CNTN4: variants seen among roughly 807,000 people sequenced by gnomAD.
CNTN4 encodes contactin-4.
Under a neutral mutation model 122.5 loss-of-function variants are expected in CNTN4, and 77 were observed. The observed-to-expected ratio is 0.63, with a 90% CI of 0.52 to 0.76. The LOEUF (loss-of-function observed/expected upper bound fraction) is 0.76. Ranked by LOEUF, CNTN4 falls within the 30% of genes least tolerant of loss-of-function variation. The pLI is 0.00. For missense variants in CNTN4, 1,256 were observed against 1,259.1 expected, an observed-to-expected ratio of 1.00 and a Z score of 0.04; for synonymous variants, 512 against 447.0, an observed-to-expected ratio of 1.15 and a Z score of -1.83.
chr3:2,101,686 C>G (rs1476371838), intron 2 of CNTN4, among the ~76,000 whole-genome samples: 2 of 152,022 alleles, frequency 1.3e-5, no homozygotes, highest in Non-Finnish European at 1.5e-5. Context: ...CAGAAGAAAT[C>G]TGACAACATA....
At chr3:3,028,236 G>A (rs9837333) in intron 15 of CNTN4, among the ~76,000 whole-genome samples, 27,473 of 152,094 alleles carry the variant, frequency 0.18, 2,527 homozygotes, top group Middle Eastern at 0.27. Flanking sequence ...CGAGTATTCT[G>A]TCAGGAACAC....
chr3:2,872,569 G>A (rs1449704314), intron 8 of CNTN4, among the ~76,000 whole-genome samples: 2 of 152,040 alleles, frequency 1.3e-5, no homozygotes, highest in African/African-American at 2.4e-5. Flanking sequence ...GCATTGCACA[G>A]TAATTGTTAA....
intron 2 of CNTN4, chr3:2,238,735 G>GTTTTTTTTTTTTTTTTTTTTTTTTT (rs66733341): frequency 1.3e-5 from 1 of 78,868 alleles, no homozygotes; most frequent in African/African-American, 5.8e-5. Flanking sequence ...TTGGCTCTGT[G>GTTTTTTTTTTTTTTTTTTTTTTTTT]TTTTTTTTTT....
intron 2 of CNTN4, among the ~76,000 whole-genome samples, chr3:2,155,744 C>CTTG (rs2035691202): frequency 6.6e-6 from 1 of 152,126 alleles, no homozygotes; most frequent in African/African-American, 2.4e-5. Context: ...TCTTCGCTTC[C>CTTG]TCCAACACAG....
In CNTN4 at chr3:2,152,810, C is replaced by T. The variant is rs553198587; in HGVS notation, c.-145+52171C>T. Among the ~76,000 whole-genome samples, 26 of 152,146 alleles carry T rather than the reference C, an allele frequency of 1.7e-4. No homozygotes were observed. In the South Asian group the frequency reaches 4.2e-3, roughly 24 times the overall value. The stretch of plus-strand genomic sequence containing the variant: ...GTCGATGTGAGACAAAAGCAGGGTA[C>T]GGAAATGTACTCCCAGATCGGGCTC... On this transcript the variant is annotated intron_variant, in intron 2 of 24. Coordinates refer to ENST00000418658, the MANE Select transcript of CNTN4 (RefSeq NM_175607.3).
At chr3:2,155,704 C>G (rs1472310105) in intron 2 of CNTN4, among the ~76,000 whole-genome samples, 1 of 152,162 alleles carries the variant, frequency 6.6e-6, no homozygotes, top group Non-Finnish European at 1.5e-5. Flanking sequence ...TCTCACTCTC[C>G]CCGTGCTCTC....
At chr3:2,703,457 A>T (rs1243045125) in intron 4 of CNTN4, among the ~76,000 whole-genome samples, 2 of 152,154 alleles carry the variant, frequency 1.3e-5, no homozygotes, top group African/African-American at 4.8e-5. Context: ...TATAATTATT[A>T]TTCTTTTTTA....
At chr3:2,564,120 G>A (rs1421822471) in intron 3 of CNTN4, among the ~76,000 whole-genome samples, 1 of 152,102 alleles carries the variant, frequency 6.6e-6, no homozygotes, top group Admixed American at 6.6e-5. Flanking sequence ...TCAAGAAATA[G>A]TAGTATAAGC....
chr3:2,503,661 T>C (rs1345873403), intron 3 of CNTN4, among the ~76,000 whole-genome samples: 2 of 152,150 alleles, frequency 1.3e-5, no homozygotes, highest in African/African-American at 4.8e-5. Flanking sequence ...CTCTTAACTT[T>C]GACAGAGCTA....
intron 3 of CNTN4, among the ~76,000 whole-genome samples, chr3:2,569,092 A>G (rs951134349): frequency 6.6e-6 from 1 of 152,224 alleles, no homozygotes; most frequent in Non-Finnish European, 1.5e-5. Context: ...GAGTATCTGA[A>G]CATATCCAAT....
Position 2,819,562 on chromosome 3 carries a change from C to T in CNTN4, c.435C>T (p.Gly145=). 1.9e-6 allele frequency: 3 copies of T among 1,612,888 alleles called. No homozygotes were observed. The highest frequency in any genetic ancestry group is 2.5e-6 in the Non-Finnish European group (3 of 1,178,870). Residue 145 remains glycine (G), a synonymous_variant, in exon 7 of 25, where the codon GGC becomes GGT. Transcript: ENST00000418658. ...GTCAAGGAATGGTGCTACTGTGTGG[C>T]CCGCCACCCCATTCTGGAGGTACAT... ...RRGQGMVLLC[G]PPPHSGELSY... is the part of the protein sequence containing the mutation.
chr3:2,400,510 C>T lies in CNTN4; in HGVS notation c.-89+61277C>T, dbSNP rs544902976. The stretch of plus-strand genomic sequence containing the variant: ...GATATTGGAATCACATGCTTACCAT[C>T]CACCCTTCCTCCTGCCACTTGGTGG... On this transcript the variant is annotated intron_variant, in intron 3 of 24. Transcript: ENST00000418658. Among the ~76,000 whole-genome samples the T allele has an allele frequency of 7.6e-5, 11 of 145,436 alleles. No individual in the cohort carries two copies. In the East Asian group the frequency reaches 2.2e-3, roughly 29 times the overall value.
chr3:2,119,517 T>C (rs1402631686), intron 2 of CNTN4, among the ~76,000 whole-genome samples: 2 of 152,216 alleles, frequency 1.3e-5, no homozygotes, highest in Admixed American at 1.3e-4. Flanking sequence ...TCCAACACTA[T>C]TGATGTTTCC....
In CNTN4 at chr3:2,448,257, A is replaced by G. The variant is rs374676767; in HGVS notation, c.-89+109024A>G. 2.0e-5 allele frequency among the ~76,000 whole-genome samples: 3 copies of G among 152,222 alleles called. No homozygotes were observed. The East Asian group carries it at 5.8e-4, about 29-fold the overall frequency. ...GCCTGGGGCAGAGAATGTAGTGTCCAGTTGGAAGCATCATGAATCAGAATC... is the reference window on the plus strand; with the variant it reads ...GCCTGGGGCAGAGAATGTAGTGTCCGGTTGGAAGCATCATGAATCAGAATC... On this transcript the variant is annotated intron_variant, in intron 3 of 24. Coordinates refer to ENST00000418658, the MANE Select transcript of CNTN4 (RefSeq NM_175607.3).
At chr3:2,203,789 A>G (rs1425818665) in intron 2 of CNTN4, among the ~76,000 whole-genome samples, 1 of 152,138 alleles carries the variant, frequency 6.6e-6, no homozygotes, top group African/African-American at 2.4e-5. Context: ...GTGTGGCCCA[A>G]CTAATGCTGT....
At chr3:2,433,328 T>A (rs2048145454) in intron 3 of CNTN4, among the ~76,000 whole-genome samples, 1 of 152,254 alleles carries the variant, frequency 6.6e-6, no homozygotes, top group Admixed American at 6.5e-5. Flanking sequence ...ATAATTGTTC[T>A]AACAGATATC....
intron 3 of CNTN4, among the ~76,000 whole-genome samples, chr3:2,395,753 A>G (rs1575543466): frequency 6.6e-6 from 1 of 152,286 alleles, no homozygotes; most frequent in Non-Finnish European, 1.5e-5. Flanking sequence ...CTCCAACTGT[A>G]TCCATGAATG....
chr3:3,057,950 C>G lies in CNTN4; in HGVS notation c.*1730C>G, dbSNP rs568658238. 1.3e-5 allele frequency: 2 copies of G among 152,306 alleles called. No individual in the cohort carries two copies. The highest frequency in any genetic ancestry group is 2.9e-5 in the Non-Finnish European group (2 of 68,020). The allele number at this position is 152,306 out of a possible 1,614,324, so 9.4% of individuals were successfully genotyped here. ...AAGGTATTGTTAATAAATATTCTGTCATTTGTAAAGATACTTGTCTTTCGG... is the reference window on the plus strand; with the variant it reads ...AAGGTATTGTTAATAAATATTCTGTGATTTGTAAAGATACTTGTCTTTCGG... On this transcript the variant is annotated 3_prime_UTR_variant, in exon 25 of 25. Transcript: ENST00000418658.
At chr3:3,002,189 T>A (rs1443139080) in intron 14 of CNTN4, among the ~76,000 whole-genome samples, 2 of 152,204 alleles carry the variant, frequency 1.3e-5, no homozygotes, top group Non-Finnish European at 2.9e-5. Flanking sequence ...TTATGAATAT[T>A]TTTAATTGAT....
Sources: gnomAD v4.1 joint callset for allele counts (sites outside exome capture counted in the v4.1 genomes callset) on GRCh38, gnomAD v4.1.1 for gene constraint, MANE v1.5 for transcripts, NCBI Gene and HGNC (gene_info 2026-07-23, HGNC 2026-07-21) for gene names.